ABLIM3: variants seen among roughly 807,000 people sequenced by gnomAD.
The protein encoded by ABLIM3 is actin-binding LIM protein 3.
Under a neutral mutation model 109.5 loss-of-function variants are expected in ABLIM3, and 61 were observed. That is an observed-to-expected ratio of 0.56 (90% confidence interval 0.45 to 0.69). The LOEUF (loss-of-function observed/expected upper bound fraction) is 0.69, where lower values mean the gene tolerates loss of function less well. Ranked by LOEUF, ABLIM3 falls within the 30% of genes least tolerant of loss-of-function variation. The pLI, the probability that ABLIM3 is intolerant of heterozygous loss-of-function variation, is 0.00. For synonymous variants in ABLIM3, 300 were observed against 324.8 expected, an observed-to-expected ratio of 0.92 and a Z score of 0.82; for missense variants, 796 against 889.5, an observed-to-expected ratio of 0.89 and a Z score of 1.34.
intron 21 of ABLIM3, 133 bp from the exon 22 acceptor site, chr5:149,252,068 G>A (rs1745737041): frequency 1.0e-6 from 1 of 965,976 alleles, no homozygotes; most frequent in Admixed American, 2.6e-5. Flanking sequence ...CAAGGACAAG[G>A]TCTCTGATGG....
intron 11 of ABLIM3, 112 bp downstream of exon 11, chr5:149,237,715 C>T: frequency 2.2e-6 from 3 of 1,348,806 alleles, no homozygotes; most frequent in Non-Finnish European, 3.0e-6. Flanking sequence ...GGCTCCCAGA[C>T]TCTTCTACAC....
chr5:149,151,609 T>C (rs554488527), intron 2 of ABLIM3, among the ~76,000 whole-genome samples: 1 of 152,304 alleles, frequency 6.6e-6, no homozygotes, highest in African/African-American at 2.4e-5. Flanking sequence ...CCCATGGAGG[T>C]AGACCCTCTC....
At chr5:149,228,757 A>AT (rs1334260217) in intron 8 of ABLIM3, among the ~76,000 whole-genome samples, 2 of 151,562 alleles carry the variant, frequency 1.3e-5, no homozygotes, top group Admixed American at 6.6e-5. Flanking sequence ...TTCTAATTAT[A>AT]TTTTTTTTCT....
At chr5:149,227,070 CAAAAAAA>C (rs70973514) in intron 8 of ABLIM3, among the ~76,000 whole-genome samples, 112 of 96,256 alleles carry the variant, frequency 1.2e-3, no homozygotes, top group Middle Eastern at 5.8e-3. Flanking sequence ...AACTCCATCT[CAAAAAAA>C]AAAAAAAAAA....
At chr5:149,254,873 T>C (rs971553642) in intron 23 of ABLIM3, among the ~76,000 whole-genome samples, 1 of 152,066 alleles carries the variant, frequency 6.6e-6, no homozygotes. Flanking sequence ...TAATCACAAT[T>C]TGGGGAAGGA....
chr5:149,240,555 G>A (rs541920652), intron 13 of ABLIM3, 121 bp from the exon 14 acceptor site: 29 of 764,040 alleles, frequency 3.8e-5, no homozygotes, highest in East Asian at 3.5e-4. Flanking sequence ...ACGCTGAGAC[G>A]CCCCAGCCCA....
chr5:149,240,400 TA>T (rs1752691538), intron 13 of ABLIM3: 3 of 510,106 alleles, frequency 5.9e-6, no homozygotes, highest in Non-Finnish European at 1.1e-5. Flanking sequence ...AGGTTCAAAC[TA>T]ACATGCCTTC....
intron 2 of ABLIM3, among the ~76,000 whole-genome samples, chr5:149,181,096 C>T (rs1405174765): frequency 5.9e-5 from 9 of 152,154 alleles, no homozygotes; most frequent in African/African-American, 1.9e-4. Context: ...TTGTACTATT[C>T]GTTCTTATTT....
chr5:149,205,172 T>C (rs1175693894), intron 5 of ABLIM3, among the ~76,000 whole-genome samples: 1 of 152,190 alleles, frequency 6.6e-6, no homozygotes, highest in African/African-American at 2.4e-5. Context: ...GGATTATTCT[T>C]GATGCGTAAG....
At position 149,233,233 on chromosome 5, in the gene ABLIM3, G is replaced by A. The variant is rs779906696; in HGVS notation, c.821G>A (p.Arg274Lys). 1.2e-6 allele frequency: 2 copies of A among 1,614,140 alleles called. No individual in the cohort carries two copies. Among genetic ancestry groups the A allele is most frequent in the South Asian group, 2.2e-5 (2 of 91,084 alleles). Residue 274 changes from arginine (R) to lysine (K), a missense_variant, in exon 10 of 24, where the codon AGA (arginine) becomes AAA (lysine). Transcript: ENST00000309868. Reference sequence around the variant, plus strand: ...CTGTCTTCATCTCTCTCACAGCATAGACGGACATCTGAAACCTCCATCTCA... The same window carrying A: ...CTGTCTTCATCTCTCTCACAGCATAAACGGACATCTGAAACCTCCATCTCA... ...AARAEKKLKH[R>K]RTSETSISPP...
At chr5:149,223,091 T>C (rs1760820506) in intron 8 of ABLIM3, among the ~76,000 whole-genome samples, 1 of 152,100 alleles carries the variant, frequency 6.6e-6, no homozygotes, top group Non-Finnish European at 1.5e-5. Context: ...TCATTTTAAA[T>C]AGAGTATATT....
intron 3 of ABLIM3, among the ~76,000 whole-genome samples, chr5:149,189,110 G>A (rs1436836773): frequency 6.6e-6 from 1 of 152,150 alleles, no homozygotes; most frequent in South Asian, 2.1e-4. Flanking sequence ...AAGAGGGGAA[G>A]AATGGTCTTT....
At chr5:149,167,794 C>G (rs987921564) in intron 2 of ABLIM3, among the ~76,000 whole-genome samples, 1 of 151,994 alleles carries the variant, frequency 6.6e-6, no homozygotes, top group Non-Finnish European at 1.5e-5. Flanking sequence ...TCCTTGATTG[C>G]AGTGCAATCA....
chr5:149,184,095 G>C (rs1236027356), intron 3 of ABLIM3, among the ~76,000 whole-genome samples: 1 of 151,952 alleles, frequency 6.6e-6, no homozygotes, highest in Non-Finnish European at 1.5e-5. Context: ...GCACATAGCT[G>C]TTAGGTCATC....
intron 3 of ABLIM3, among the ~76,000 whole-genome samples, chr5:149,188,745 A>G (rs1757211409): frequency 6.6e-6 from 1 of 152,192 alleles, no homozygotes; most frequent in Non-Finnish European, 1.5e-5. Context: ...TCTAAACACT[A>G]GGATGTTGGA....
intron 8 of ABLIM3, chr5:149,221,034 A>G (rs995175770): frequency 3.3e-5 from 5 of 152,226 alleles, no homozygotes; most frequent in African/African-American, 9.6e-5. Flanking sequence ...AACAATGGGC[A>G]TGTGTTATAA....
intron 2 of ABLIM3, among the ~76,000 whole-genome samples, chr5:149,174,043 AAAG>A (rs1294381524): frequency 1.3e-5 from 2 of 150,944 alleles, no homozygotes; most frequent in South Asian, 2.1e-4. Context: ...AAAAAAAAAA[AAAG>A]AAGTAGGAAC....
chr5:149,247,652 G>A lies in ABLIM3; in HGVS notation c.1552-130G>A, dbSNP rs116554155. On this transcript the variant is annotated intron_variant, in intron 17 of 23. Transcript: ENST00000309868. Reference sequence around the variant, plus strand: ...AAACATGGGTGCCACAAGGTGGGAGGGACGCTGGGAAGGCAAACATGAGAG... The same window carrying A: ...AAACATGGGTGCCACAAGGTGGGAGAGACGCTGGGAAGGCAAACATGAGAG... 182 of 1,180,976 alleles carry A rather than the reference G, an allele frequency of 1.5e-4. No individual in the cohort carries two copies. The African/African-American group carries it at 2.6e-3, about 17-fold the overall frequency. 73.2% of individuals were successfully genotyped at this position (1,180,976 alleles called of 1,614,324 possible).
At chr5:149,148,400 G>C (rs190916001) in intron 2 of ABLIM3, among the ~76,000 whole-genome samples, 5 of 152,092 alleles carry the variant, frequency 3.3e-5, no homozygotes, top group Non-Finnish European at 7.4e-5. Flanking sequence ...CAGTACACTC[G>C]CTTCGCTGAA....
Sources: gnomAD v4.1 joint callset for allele counts (sites outside exome capture counted in the v4.1 genomes callset) on GRCh38, gnomAD v4.1.1 for gene constraint, MANE v1.5 for transcripts, NCBI Gene and HGNC (gene_info 2026-07-23, HGNC 2026-07-21) for gene names.